The following PXDN variants were observed in gnomAD, a reference collection of about 807,000 sequenced individuals.
The protein encoded by PXDN is peroxidasin, also known as peroxidasin homolog.
Under a neutral mutation model 140.3 loss-of-function variants are expected in PXDN, and 77 were observed. The observed-to-expected ratio is 0.55, with a 90% CI of 0.46 to 0.66. PXDN has a LOEUF of 0.66. PXDN is among the 30% of genes least tolerant of loss of function. PXDN has a pLI of 0.00. For missense variants in PXDN, 1,838 were observed against 2,039.5 expected (o/e 0.90, Z 1.90); for synonymous variants, 911 against 857.4 (o/e 1.06, Z -1.09).
rs943248378 is a variant in PXDN at position 1,714,635 on chromosome 2, G to A, written c.201-21501C>T. Among the ~76,000 whole-genome samples the A allele has an allele frequency of 6.6e-6, 1 of 152,190 alleles. No homozygotes were observed. The highest frequency in any genetic ancestry group is 1.5e-5 in the Non-Finnish European group (1 of 68,044). ...AATTCTGTCTCTGCAGCAGGAATGC[G>A]GCCACAGAAGAGGCGACCCGGTGGC... On this transcript the variant is annotated intron_variant, in intron 1 of 22. Coordinates refer to ENST00000252804, the MANE Select transcript of PXDN (RefSeq NM_012293.3). This position sits in a 1 kb window ranked among gnomAD's most constrained non-coding sequence, Gnocchi z 4.3.
At position 1,744,456 on chromosome 2, in the gene PXDN, G is replaced by A; in HGVS notation, c.-1C>T. ...CGGGGCCCCTGGAGCGCTTGGCCAT[G>A]GCCGACGGCGCGGACGGACGCTCGG... On this transcript the variant is annotated 5_prime_UTR_variant, in exon 1 of 23. Transcript: ENST00000252804. 1 of 1,461,014 alleles carries A rather than the reference G, an allele frequency of 6.8e-7. No homozygotes were observed. Among genetic ancestry groups the A allele is most frequent in the South Asian group, 1.3e-5 (1 of 75,318 alleles). 90.5% of individuals were successfully genotyped at this position (1,461,014 alleles called of 1,614,324 possible). A position where few individuals can be genotyped will look rare whatever the true frequency, so the allele number is the denominator to read the frequency against.
At chr2:1,692,927 A>C (rs1684217111) in intron 2 of PXDN, 136 bp downstream of exon 2, 1 of 812,556 alleles carries the variant, frequency 1.2e-6, no homozygotes, top group Non-Finnish European at 2.0e-6. Flanking sequence ...ATTCAGGGGC[A>C]TTTTCCAGCC....
chr2:1,717,344 G>A (rs948114619), intron 1 of PXDN, among the ~76,000 whole-genome samples: 31 of 152,222 alleles, frequency 2.0e-4, no homozygotes, highest in African/African-American at 6.7e-4. Context: ...CTTTGTTCTC[G>A]GTTCTGCGGA....
intron 1 of PXDN, among the ~76,000 whole-genome samples, chr2:1,710,247 T>C (rs991070598): frequency 3.1e-4 from 47 of 152,282 alleles, no homozygotes; most frequent in Middle Eastern, 3.4e-3. Context: ...GCTCACTTGG[T>C]AGGTGTGGGC....
At chr2:1,662,252 A>C in intron 12 of PXDN, 68 bp from the exon 13 acceptor site, 1 of 1,335,834 alleles carries the variant, frequency 7.5e-7, no homozygotes, top group Non-Finnish European at 1.1e-6. Flanking sequence ...GAAGAACAAA[A>C]TCCCCTGCCC....
At chr2:1,641,446 C>G (rs570015119) in intron 19 of PXDN, among the ~76,000 whole-genome samples, 1 of 152,196 alleles carries the variant, frequency 6.6e-6, no homozygotes, top group Non-Finnish European at 1.5e-5. Context: ...CACCGCCCAG[C>G]CCCCAATGTG....
chr2:1,658,397 T>A (rs930056126), intron 14 of PXDN, among the ~76,000 whole-genome samples: 12 of 151,998 alleles, frequency 7.9e-5, no homozygotes, highest in Non-Finnish European at 1.2e-4. Flanking sequence ...TGGGTCTCAA[T>A]GGGTGACACT....
intron 4 of PXDN, among the ~76,000 whole-genome samples, chr2:1,686,267 T>C (rs1684055130): frequency 6.6e-6 from 1 of 152,152 alleles, no homozygotes; most frequent in Non-Finnish European, 1.5e-5. Flanking sequence ...GTTTAACGAA[T>C]GGAACCCAAG....
In PXDN at chr2:1,639,295, A is replaced by G. The variant is rs770912965; in HGVS notation, c.4073+7T>C. On this transcript the variant is annotated splice_region_variant and intron_variant, in intron 20 of 22. Transcript: ENST00000252804. The surrounding 1 kb of genome is among the most constrained non-coding windows in gnomAD (Gnocchi z 5.0). ...TGCACATCATTTGACCTCAGAGACC[A>G]CCATACCTGGGTATTTTCCGTGGTC... 2 of 1,610,740 alleles carry G rather than the reference A, an allele frequency of 1.2e-6. No individual in the cohort carries two copies. Among genetic ancestry groups the G allele is most frequent in the East Asian group, 4.5e-5 (2 of 44,814 alleles).
intron 6 of PXDN, 31 bp from the exon 7 acceptor site, chr2:1,680,393 A>G: frequency 6.2e-7 from 1 of 1,612,546 alleles, no homozygotes; most frequent in Non-Finnish European, 8.5e-7. Flanking sequence ...CCGGTGAGAC[A>G]TGGGGTGGCT....
rs547594308 is a variant in PXDN, at chr2:1,663,643, G to C, written c.1529C>G (p.Ser510Cys). The stretch of plus-strand genomic sequence containing the variant: ...AGTCAGGTGGGCCACGACCTTCTGG[G>C]AGCCGATGATGTTGACAGCCTGGCA... ...YECQAVNIIGSQKVVAHLTVQ... is the reference protein window; with the variant it reads ...YECQAVNIIGCQKVVAHLTVQ... The change falls in exon 12 of 23, where the codon TCC becomes TGC. Residue 510 changes from serine (S) to cysteine (C), a missense_variant. This residue lies in a region of PXDN where 537 missense variants were observed against 583.9 expected (regional missense o/e 0.92). Coordinates refer to ENST00000252804, the MANE Select transcript of PXDN (RefSeq NM_012293.3). The C allele has an allele frequency of 6.2e-7, 1 of 1,614,012 alleles. No individual in the cohort carries two copies. Among genetic ancestry groups the C allele is most frequent in the Non-Finnish European group, 8.5e-7 (1 of 1,179,894 alleles).
intron 17 of PXDN, among the ~76,000 whole-genome samples, chr2:1,647,023 T>C (rs1000378326): frequency 3.9e-5 from 6 of 152,016 alleles, no homozygotes; most frequent in African/African-American, 1.4e-4. Context: ...GCCTCCCGAG[T>C]AGCTGGGATT....
intron 1 of PXDN, among the ~76,000 whole-genome samples, chr2:1,740,200 G>A (rs1685508514): frequency 6.6e-6 from 1 of 152,220 alleles, no homozygotes; most frequent in Non-Finnish European, 1.5e-5. Flanking sequence ...TGGACAGCCA[G>A]GGAGTCCCCG....
At chr2:1,717,341 C>G (rs370090539) in intron 1 of PXDN, among the ~76,000 whole-genome samples, 2 of 152,272 alleles carry the variant, frequency 1.3e-5, no homozygotes, top group African/African-American at 4.8e-5. Flanking sequence ...CCTCTTTGTT[C>G]TCGGTTCTGC....
intron 2 of PXDN, chr2:1,692,482 G>T (rs921418392): frequency 4.2e-6 from 2 of 471,604 alleles, no homozygotes; most frequent in Non-Finnish European, 8.8e-6. Context: ...GTCAACAGTG[G>T]ATAGGCGGCC....
chr2:1,710,212 C>T (rs1289054933), intron 1 of PXDN, among the ~76,000 whole-genome samples: 4 of 152,162 alleles, frequency 2.6e-5, no homozygotes, highest in African/African-American at 7.2e-5. Flanking sequence ...AGGAGACACA[C>T]GCCGAAGAAC....
At chr2:1,700,210 T>C (rs190992196) in intron 1 of PXDN, among the ~76,000 whole-genome samples, 2,998 of 152,162 alleles carry the variant, frequency 0.02, 47 homozygotes, top group Admixed American at 0.044. Flanking sequence ...TACAGGCGCA[T>C]GCCACTGCGC....
intron 21 of PXDN, chr2:1,635,736 C>T: frequency 3.6e-6 from 2 of 553,280 alleles, no homozygotes; most frequent in Non-Finnish European, 6.5e-6. Flanking sequence ...CACCACCGTG[C>T]TGTCAAATAA....
chr2:1,709,995 C>A (rs963813141), intron 1 of PXDN, among the ~76,000 whole-genome samples: 2 of 152,300 alleles, frequency 1.3e-5, no homozygotes, highest in Admixed American at 1.3e-4. Context: ...CTGCCCAATG[C>A]AAACAGCACA....
Sources: gnomAD v4.1 joint callset for allele counts (sites outside exome capture counted in the v4.1 genomes callset) on GRCh38, gnomAD v4.1.1 for gene constraint, gnomAD v4.1.1 regional missense constraint, Gnocchi (gnomAD v3.1) non-coding constraint, MANE v1.5 for transcripts, NCBI Gene and HGNC (gene_info 2026-07-23, HGNC 2026-07-21) for gene names.